CNOT2: variants seen among roughly 807,000 people sequenced by gnomAD.
CNOT2 encodes the protein CC chemokine receptor 4-negative regulator of transcription 2.
Under a neutral mutation model 72.1 loss-of-function variants are expected in CNOT2, and 7 were observed. That is an observed-to-expected ratio of 0.10 (90% CI 0.06 to 0.18). The LOEUF (loss-of-function observed/expected upper bound fraction) is 0.18. Ranked by LOEUF, CNOT2 falls within the 10% of genes least tolerant of loss-of-function variation. The probability of loss-of-function intolerance (pLI) is 1.00; values close to 1 mark genes in which losing one functional copy is unlikely to be tolerated. For missense variants in CNOT2, 345 were observed against 660.3 expected, an observed-to-expected ratio of 0.52 and a Z score of 5.23; for synonymous variants, 196 against 225.6, an observed-to-expected ratio of 0.87 and a Z score of 1.17.
rs573447343 is a variant in CNOT2, at chr12:70,263,768, G to A, written c.-95-14364G>A. Among the ~76,000 whole-genome samples the A allele has an allele frequency of 7.2e-5, 11 of 152,242 alleles. No homozygotes were observed. The East Asian group carries it at 1.5e-3, about 21-fold the overall frequency. On this transcript the variant is annotated intron_variant, in intron 1 of 15. Transcript: ENST00000229195. The stretch of plus-strand genomic sequence containing the variant: ...TATTTGCATGTCATAATTTGTGGGC[G>A]AGAGGCTGGACATTTTACATGAACT...
chr12:70,302,380 G>T (rs1304609507), intron 2 of CNOT2, among the ~76,000 whole-genome samples: 1 of 151,360 alleles, frequency 6.6e-6, no homozygotes, highest in African/African-American at 2.4e-5. Context: ...TCTACACACT[G>T]CTTTGAATGT....
intron 8 of CNOT2, chr12:70,337,106 GTTAATAA>G (rs1880808161): frequency 4.9e-6 from 1 of 204,334 alleles, no homozygotes; most frequent in African/African-American, 2.3e-5. Context: ...AACCAAAATT[GTTAATAA>G]TTAATCCAAT....
chr12:70,303,104 G>C (rs1291080087), intron 2 of CNOT2, among the ~76,000 whole-genome samples: 1 of 152,220 alleles, frequency 6.6e-6, no homozygotes, highest in African/African-American at 2.4e-5. Flanking sequence ...TTGAGCCTAT[G>C]TGTGTCTCTG....
intron 1 of CNOT2, among the ~76,000 whole-genome samples, chr12:70,274,285 T>G (rs1302595613): frequency 6.6e-6 from 1 of 152,084 alleles, no homozygotes; most frequent in Non-Finnish European, 1.5e-5. Context: ...CATTGCTTGA[T>G]GTAGTTCTAG....
At chr12:70,309,270 A>G (rs1323345573) in intron 2 of CNOT2, among the ~76,000 whole-genome samples, 1 of 152,186 alleles carries the variant, frequency 6.6e-6, no homozygotes. Context: ...GACCCTTAAA[A>G]AATATCTTTG....
chr12:70,269,430 C>T (rs539403764), intron 1 of CNOT2, among the ~76,000 whole-genome samples: 2 of 151,698 alleles, frequency 1.3e-5, no homozygotes, highest in Non-Finnish European at 2.9e-5. Flanking sequence ...GAATGTGGAC[C>T]CCTTCTCAAT....
At chr12:70,346,842 T>G (rs1882233700) in intron 15 of CNOT2, among the ~76,000 whole-genome samples, 1 of 152,126 alleles carries the variant, frequency 6.6e-6, no homozygotes, top group Non-Finnish European at 1.5e-5. Flanking sequence ...TGGAGAAATG[T>G]TGATTATTTT....
chr12:70,256,582 TAAAAAAA>T (rs372870920), intron 1 of CNOT2, among the ~76,000 whole-genome samples: 2 of 108,470 alleles, frequency 1.8e-5, no homozygotes, highest in African/African-American at 3.5e-5. Flanking sequence ...GACCTGTGGG[TAAAAAAA>T]AAAAAAAAAA....
intron 2 of CNOT2, among the ~76,000 whole-genome samples, chr12:70,303,836 C>T (rs781295958): frequency 9.9e-5 from 15 of 152,202 alleles, no homozygotes; most frequent in African/African-American, 2.4e-4. Flanking sequence ...CCATTCTCCC[C>T]GTCACTTTCA....
chr12:70,332,751 T>C lies in CNOT2; in HGVS notation c.570-16T>C. The C allele has an allele frequency of 6.3e-7, 1 of 1,588,506 alleles. No individual in the cohort carries two copies. The highest frequency in any genetic ancestry group is 8.5e-7 in the Non-Finnish European group (1 of 1,170,096). ...TGTTCTTACTGTATATCTAAAACTA[T>C]TTTCTATGTACCCAGTATGTCTGGA... is the stretch of plus-strand genomic sequence containing the variant. On this transcript the variant is annotated splice_polypyrimidine_tract_variant and intron_variant, in intron 6 of 15. Coordinates refer to ENST00000229195, the MANE Select transcript of CNOT2 (RefSeq NM_014515.7).
chr12:70,277,990 G>A (rs1869142567), intron 1 of CNOT2, 142 bp from the exon 2 acceptor site: 4 of 396,684 alleles, frequency 1.0e-5, no homozygotes, highest in South Asian at 1.0e-4. Context: ...TCTAGCCCGC[G>A]AAAATGGTTA....
chr12:70,335,617 C>T, intron 8 of CNOT2, 54 bp downstream of exon 8: 1 of 1,366,096 alleles, frequency 7.3e-7, no homozygotes, highest in Non-Finnish European at 1.0e-6. Context: ...TATGTGCACA[C>T]ACATATACAT....
At chr12:70,278,368 G>T in intron 2 of CNOT2, 94 bp downstream of exon 2, 1 of 871,212 alleles carries the variant, frequency 1.1e-6, no homozygotes, top group South Asian at 1.7e-5. Flanking sequence ...CAGCAAATTG[G>T]TTACACCTCA....
Position 70,311,383 on chromosome 12 carries a change from C to T in CNOT2, c.171+366C>T, listed in dbSNP as rs114266864. ...AGATATAGAACAGAAAGCAGATTTA[C>T]GCAGACTTGAAGATATAATGGCAAG... On this transcript the variant is annotated intron_variant, in intron 3 of 15. Coordinates refer to ENST00000229195, the MANE Select transcript of CNOT2 (RefSeq NM_014515.7). Among the ~76,000 whole-genome samples the T allele has an allele frequency of 7.9e-3, 1,194 of 151,968 alleles. 21 individuals are homozygous for T. The highest frequency in any genetic ancestry group is 0.027 in the African/African-American group (1,140 of 41,508).
intron 1 of CNOT2, among the ~76,000 whole-genome samples, chr12:70,267,947 T>C (rs1959131413): frequency 6.6e-6 from 1 of 152,260 alleles, no homozygotes; most frequent in Non-Finnish European, 1.5e-5. Flanking sequence ...ACTGTTAGGC[T>C]TGTGAAACTT....
chr12:70,329,735 A>ACAGT lies in CNOT2; in HGVS notation c.386+166_386+169dup, dbSNP rs544496522. 253 of 605,804 alleles carry ACAGT rather than the reference A, an allele frequency of 4.2e-4. 2 individuals carry two copies. Among genetic ancestry groups the ACAGT allele is most frequent in the African/African-American group, 3.4e-3 (184 of 53,988 alleles). The allele number at this position is 605,804 out of a possible 1,614,324, so 37.5% of individuals were successfully genotyped here. The stretch of plus-strand genomic sequence containing the variant: ...TTTATTTCAGTGCAAATTGTTAAGT[A>ACAGT]CAGTACAAGTGGTTTTTATACTGCA... On this transcript the variant is annotated intron_variant, in intron 5 of 15. Coordinates refer to ENST00000229195, the MANE Select transcript of CNOT2 (RefSeq NM_014515.7).
chr12:70,295,438 A>T (rs765726870), intron 2 of CNOT2, among the ~76,000 whole-genome samples: 13 of 152,020 alleles, frequency 8.6e-5, no homozygotes, highest in Non-Finnish European at 1.9e-4. Context: ...TTTTTTTCTC[A>T]ATATGTATTC....
At chr12:70,283,859 G>T (rs767439508) in intron 2 of CNOT2, among the ~76,000 whole-genome samples, 46 of 150,586 alleles carry the variant, frequency 3.1e-4, no homozygotes, top group Non-Finnish European at 5.2e-4. Context: ...TTACATTTTT[G>T]ATTGTGAAAG....
intron 4 of CNOT2, chr12:70,323,893 A>G (rs1878675505): frequency 6.6e-6 from 1 of 151,570 alleles, no homozygotes; most frequent in African/African-American, 2.4e-5. Context: ...CTTTCTTTTC[A>G]TAAGTATGAC....
Sources: allele counts gnomAD v4.1 joint callset (sites outside exome capture counted in the v4.1 genomes callset), GRCh38; gene constraint gnomAD v4.1.1; transcripts MANE v1.5; gene names NCBI Gene and HGNC (gene_info 2026-07-23, HGNC 2026-07-21).